IFFO2: variants seen among roughly 807,000 people sequenced by gnomAD.
IFFO2 encodes the protein intermediate filament family orphan 2.
In IFFO2, 19 loss-of-function variants were observed where a neutral mutation model predicts 53.5. The ratio of observed to expected loss-of-function variants is 0.36; its 90% CI spans 0.25 to 0.52. IFFO2 has a LOEUF of 0.52. Among genes scored for constraint, IFFO2 ranks in the 20% least tolerant of loss-of-function variants. The pLI, the probability that IFFO2 is intolerant of heterozygous loss-of-function variation, is 0.94. For synonymous variants in IFFO2, 303 were observed against 313.6 expected (o/e 0.97, Z 0.36); for missense variants, 570 against 727.4 (o/e 0.78, Z 2.49).
At position 18,907,950 on chromosome 1, in the gene IFFO2, T is replaced by G. The variant is rs1426257877; in HGVS notation, c.*611A>C. The G allele has an allele frequency of 6.5e-6, 1 of 153,500 alleles. No individual in the cohort carries two copies. Among genetic ancestry groups the G allele is most frequent in the African/African-American group, 2.4e-5 (1 of 41,480 alleles). The allele number at this position is 153,500 out of a possible 1,614,324, so 9.5% of individuals were successfully genotyped here. On this transcript the variant is annotated 3_prime_UTR_variant, in exon 9 of 9. Transcript: ENST00000455833. ...CCCCCCAAAAAATTAAAATGTGTCCTCCTTCCCTTCCTTCCACCTTTCTCT... is the reference window on the plus strand; with the variant it reads ...CCCCCCAAAAAATTAAAATGTGTCCGCCTTCCCTTCCTTCCACCTTTCTCT...
rs146942377 is a variant in IFFO2, at chr1:18,909,504, G to A, written c.1448+838C>T. Among the ~76,000 whole-genome samples the A allele has an allele frequency of 1.8e-3, 274 of 152,264 alleles. 1 individual carries two copies. The highest frequency in any genetic ancestry group is 0.014 in the Middle Eastern group (4 of 294). ...GAATTGTAGCTCCCATAATCCCCAC[G>A]TGTCATGAGAGGGACCAGTTAGAGA... is the stretch of plus-strand genomic sequence containing the variant. On this transcript the variant is annotated intron_variant, in intron 8 of 8. Transcript: ENST00000455833.
At chr1:18,909,767 C>T (rs1936007856) in intron 8 of IFFO2, among the ~76,000 whole-genome samples, 1 of 150,920 alleles carries the variant, frequency 6.6e-6, no homozygotes, top group Admixed American at 6.7e-5. Flanking sequence ...CAGTCTCAGG[C>T]ATTTCTTTTT....
At position 18,936,238 on chromosome 1, in the gene IFFO2, A is replaced by G. The variant is rs1936445875; in HGVS notation, c.666-15117T>C. The stretch of plus-strand genomic sequence containing the variant: ...CTGCCAGCCTCAGTTTCCCCAAACA[A>G]CCTCCACAGTCCAGGCCAACTCTGC... On this transcript the variant is annotated intron_variant, in intron 1 of 8. Coordinates refer to ENST00000455833, the MANE Select transcript of IFFO2 (RefSeq NM_001136265.2). The surrounding 1 kb of genome is among the most constrained non-coding windows in gnomAD (Gnocchi z 4.5). Among the ~76,000 whole-genome samples, 1 of 152,068 alleles carries G rather than the reference A, an allele frequency of 6.6e-6. No homozygotes were observed. Among genetic ancestry groups the G allele is most frequent in the Non-Finnish European group, 1.5e-5 (1 of 68,006 alleles).
chr1:18,950,833 G>T (rs1936650841), intron 1 of IFFO2, among the ~76,000 whole-genome samples: 1 of 152,180 alleles, frequency 6.6e-6, no homozygotes, highest in Non-Finnish European at 1.5e-5. Flanking sequence ...CTCCATTCCA[G>T]CCGACAGCCC....
At chr1:18,940,562 C>G (rs1335682569) in intron 1 of IFFO2, among the ~76,000 whole-genome samples, 1 of 148,308 alleles carries the variant, frequency 6.7e-6, no homozygotes, top group Non-Finnish European at 1.5e-5. Flanking sequence ...GATGGACAAA[C>G]GGATGGATGG....
chr1:18,933,376 G>A (rs1444094870), intron 1 of IFFO2, among the ~76,000 whole-genome samples: 3 of 152,228 alleles, frequency 2.0e-5, no homozygotes, highest in Admixed American at 2.0e-4. Context: ...AGGAAACCAA[G>A]CATCCACCAT....
chr1:18,931,810 C>T (rs918761485), intron 1 of IFFO2, among the ~76,000 whole-genome samples: 3 of 152,160 alleles, frequency 2.0e-5, no homozygotes, highest in Non-Finnish European at 2.9e-5. Context: ...GATGGTGTCT[C>T]GTCGGCTCCA....
At chr1:18,920,169 G>A (rs1167486940) in intron 2 of IFFO2, among the ~76,000 whole-genome samples, 1 of 152,212 alleles carries the variant, frequency 6.6e-6, no homozygotes, top group Non-Finnish European at 1.5e-5. Flanking sequence ...TGTCCACACA[G>A]ACAAGATCGG....
At chr1:18,920,167 C>T (rs1424503007) in intron 2 of IFFO2, among the ~76,000 whole-genome samples, 1 of 152,124 alleles carries the variant, frequency 6.6e-6, no homozygotes, top group Non-Finnish European at 1.5e-5. Context: ...TGTGTCCACA[C>T]AGACAAGATC....
chr1:18,950,612 A>G (rs1936647783), intron 1 of IFFO2, among the ~76,000 whole-genome samples: 1 of 152,240 alleles, frequency 6.6e-6, no homozygotes, highest in South Asian at 2.1e-4. Context: ...AATCAGAAAT[A>G]AAGAATCCGT....
chr1:18,908,520 GC>G lies in IFFO2; in HGVS notation c.*40del. ...TGGCCCCATGAGGAGAGGTGGCAGG[GC>G]CCCATCACCAAGACCACCAGGCTCG... is the stretch of plus-strand genomic sequence containing the variant. On this transcript the variant is annotated 3_prime_UTR_variant, in exon 9 of 9. Coordinates refer to ENST00000455833, the MANE Select transcript of IFFO2 (RefSeq NM_001136265.2). 7.0e-7 allele frequency: 1 copy of G among 1,420,970 alleles called. No individual in the cohort carries two copies. Among genetic ancestry groups the G allele is most frequent in the Non-Finnish European group, 9.7e-7 (1 of 1,027,820 alleles). The allele number at this position is 1,420,970 out of a possible 1,614,324, so 88.0% of individuals were successfully genotyped here.
At position 18,918,724 on chromosome 1, in the gene IFFO2, G is replaced by A. The variant is rs187844297; in HGVS notation, c.823-222C>T. Among the ~76,000 whole-genome samples, 267 of 152,140 alleles carry A rather than the reference G, an allele frequency of 1.8e-3. No homozygotes were observed. Among genetic ancestry groups the A allele is most frequent in the Non-Finnish European group, 2.9e-3 (199 of 67,966 alleles). The stretch of plus-strand genomic sequence containing the variant: ...GGGAGTCAGGGGCCAGTGTGACGCC[G>A]TGTGTGCTGCTCTCCCTAAGGGCTG... On this transcript the variant is annotated intron_variant, in intron 3 of 8. Transcript: ENST00000455833. The surrounding 1 kb of genome is among the most constrained non-coding windows in gnomAD (Gnocchi z 5.2).
chr1:18,913,422 C>T (rs921406377), intron 5 of IFFO2, among the ~76,000 whole-genome samples: 1 of 152,238 alleles, frequency 6.6e-6, no homozygotes, highest in Non-Finnish European at 1.5e-5. Context: ...GAAGGAAACC[C>T]CAGCCGAGGG....
In IFFO2 at chr1:18,956,229, GC is replaced by G; in HGVS notation, c.103del (p.Ala35GlnfsTer8). The G allele has an allele frequency of 1.6e-6, 2 of 1,262,190 alleles. No homozygotes were observed. Among genetic ancestry groups the G allele is most frequent in the South Asian group, 1.7e-5 (1 of 59,880 alleles). 78.2% of individuals were successfully genotyped at this position (1,262,190 alleles called of 1,614,324 possible). A position where few individuals can be genotyped will look rare whatever the true frequency, so the allele number is the denominator to read the frequency against. On this transcript the variant is annotated frameshift_variant, in exon 1 of 9. Coordinates refer to ENST00000455833, the MANE Select transcript of IFFO2 (RefSeq NM_001136265.2). LOFTEE classifies it high-confidence loss of function. The surrounding 1 kb of genome is among the most constrained non-coding windows in gnomAD (Gnocchi z 6.4). ...CGTCACCGGCGACGGACCCGGCCCT[GC>G]CCCGCCGCCGCCGCCGCCCCCGCCA... Reference protein sequence around the residue: ...CPGGGGGGGGAGPGPSPVTAA... With the variant: ...CPGGGGGGGGXGPGPSPVTAA...
chr1:18,930,814 C>T (rs889968589), intron 1 of IFFO2, among the ~76,000 whole-genome samples: 4 of 152,218 alleles, frequency 2.6e-5, no homozygotes, highest in South Asian at 2.1e-4. Flanking sequence ...CTGTCCAATT[C>T]CCTCCTGTCT....
chr1:18,938,674 C>T (rs886870957), intron 1 of IFFO2, among the ~76,000 whole-genome samples: 3 of 152,132 alleles, frequency 2.0e-5, no homozygotes, highest in African/African-American at 4.8e-5. Flanking sequence ...AAGGAAGCTC[C>T]GACCACACCA....
chr1:18,940,036 G>A (rs572258617), intron 1 of IFFO2, among the ~76,000 whole-genome samples: 1 of 152,224 alleles, frequency 6.6e-6, no homozygotes, highest in Non-Finnish European at 1.5e-5. Flanking sequence ...TCTCCCCTCA[G>A]GGGCTCAGCC....
rs115870035 is a variant in IFFO2, at chr1:18,943,956, T to C, written c.665+11712A>G. 3.5e-3 allele frequency among the ~76,000 whole-genome samples: 540 copies of C among 152,326 alleles called. 5 individuals are homozygous for C. The highest frequency in any genetic ancestry group is 0.012 in the African/African-American group (519 of 41,576). On this transcript the variant is annotated intron_variant, in intron 1 of 8. Transcript: ENST00000455833. Reference sequence around the variant, plus strand: ...CTTCTCTGCTCCAAGTGCTCTGTCCTCTGGGAGTTTTCCAAACCCCTCCTG... The same window carrying C: ...CTTCTCTGCTCCAAGTGCTCTGTCCCCTGGGAGTTTTCCAAACCCCTCCTG...
At position 18,919,791 on chromosome 1, in the gene IFFO2, G is replaced by A; in HGVS notation, c.727-18C>T. The A allele has an allele frequency of 6.5e-7, 1 of 1,534,966 alleles. No homozygotes were observed. The highest frequency in any genetic ancestry group is 1.2e-5 in the South Asian group (1 of 83,754). On this transcript the variant is annotated intron_variant, in intron 2 of 8. Coordinates refer to ENST00000455833, the MANE Select transcript of IFFO2 (RefSeq NM_001136265.2). The surrounding 1 kb of genome is among the most constrained non-coding windows in gnomAD (Gnocchi z 4.9). ...TGTGCTGCCTGCGGGGACGGAGATG[G>A]GGAGGCTTCAGAGGGGCCGGGTCCT...
Sources: gnomAD v4.1 joint callset for allele counts (sites outside exome capture counted in the v4.1 genomes callset) on GRCh38, gnomAD v4.1.1 for gene constraint, Gnocchi (gnomAD v3.1) non-coding constraint, MANE v1.5 for transcripts, NCBI Gene and HGNC (gene_info 2026-07-23, HGNC 2026-07-21) for gene names.